GRM7: variants seen among roughly 807,000 people sequenced by gnomAD.
GRM7 encodes the protein glutamate metabotropic receptor 7.
GRM7 carries 35 observed loss-of-function variants against 84.5 expected under a neutral mutation model. That is an observed-to-expected ratio of 0.41 (90% CI 0.32 to 0.55). The LOEUF is 0.55. Among genes scored for constraint, GRM7 ranks in the 20% least tolerant of loss-of-function variants. The pLI, the probability that GRM7 is intolerant of heterozygous loss-of-function variation, is 0.19. For synonymous variants in GRM7, 487 were observed against 455.1 expected (o/e 1.07, Z -0.89); for missense variants, 1,003 against 1,194.6 (o/e 0.84, Z 2.36).
intron 4 of GRM7, among the ~76,000 whole-genome samples, chr3:7,315,710 G>A (rs1056646870): frequency 6.6e-6 from 1 of 152,158 alleles, no homozygotes; most frequent in African/African-American, 2.4e-5. Context: ...TAAGAGGTGG[G>A]ACAAAGACAA....
chr3:7,645,819 A>G (rs540661671), intron 8 of GRM7, among the ~76,000 whole-genome samples: 38 of 152,222 alleles, frequency 2.5e-4, no homozygotes, highest in Admixed American at 1.8e-3. Context: ...ATCTTCCCCA[A>G]TCTGACCCCA....
chr3:7,133,211 CAGAG>C (rs1186452182), intron 1 of GRM7, among the ~76,000 whole-genome samples: 1 of 152,236 alleles, frequency 6.6e-6, no homozygotes, highest in East Asian at 1.9e-4. Context: ...ATGTGAAAAG[CAGAG>C]AGAGAATATG....
intron 1 of GRM7, among the ~76,000 whole-genome samples, chr3:7,033,618 A>C (rs545592711): frequency 6.6e-6 from 1 of 152,302 alleles, no homozygotes; most frequent in South Asian, 2.1e-4. Context: ...CTAAAGCTGC[A>C]AATGTCCTTT....
rs148513379 is a variant in GRM7, at chr3:7,556,333, C to T, written c.1516-22089C>T. Reference sequence around the variant, plus strand: ...GCATGTGAATTTTAGGGGATATAAACATTCAGACCATAGTAACCTCTATGT... The same window carrying T: ...GCATGTGAATTTTAGGGGATATAAATATTCAGACCATAGTAACCTCTATGT... On this transcript the variant is annotated intron_variant, in intron 7 of 9. Coordinates refer to ENST00000357716, the MANE Select transcript of GRM7 (RefSeq NM_000844.4). Among the ~76,000 whole-genome samples the T allele has an allele frequency of 6.5e-3, 992 of 152,176 alleles. 9 individuals are homozygous for T. Among genetic ancestry groups the T allele is most frequent in the African/African-American group, 0.022 (921 of 41,520 alleles).
At chr3:7,699,411 T>C (rs916571683) in intron 9 of GRM7, among the ~76,000 whole-genome samples, 12 of 152,210 alleles carry the variant, frequency 7.9e-5, no homozygotes, top group African/African-American at 2.4e-4. Flanking sequence ...CCAGGGGATA[T>C]GTATTTAGAG....
intron 2 of GRM7, among the ~76,000 whole-genome samples, chr3:7,169,530 G>A (rs1400352482): frequency 6.6e-6 from 1 of 152,152 alleles, no homozygotes; most frequent in African/African-American, 2.4e-5. Flanking sequence ...TTATATCATT[G>A]AATTAAATGT....
chr3:7,469,857 T>C (rs986653642), intron 7 of GRM7, among the ~76,000 whole-genome samples: 3 of 152,216 alleles, frequency 2.0e-5, no homozygotes, highest in Non-Finnish European at 4.4e-5. Context: ...TGCTTCCCAT[T>C]TGTCAGTTAA....
intron 4 of GRM7, among the ~76,000 whole-genome samples, chr3:7,352,870 G>A (rs2324148): frequency 0.14 from 21,215 of 151,950 alleles, 1,947 homozygotes; most frequent in African/African-American, 0.26. Context: ...ACATGTCCCT[G>A]TCCTAACTTA....
chr3:7,727,689 C>T (rs1702174711), intron 9 of GRM7, among the ~76,000 whole-genome samples: 1 of 152,176 alleles, frequency 6.6e-6, no homozygotes, highest in Non-Finnish European at 1.5e-5. Context: ...ACCACATAGG[C>T]TTCTGGTCTG....
At chr3:7,730,440 A>C (rs2106526375) in intron 9 of GRM7, among the ~76,000 whole-genome samples, 1 of 152,346 alleles carries the variant, frequency 6.6e-6, no homozygotes, top group Non-Finnish European at 1.5e-5. Flanking sequence ...TCTGACAAAT[A>C]GTAGGTGCTC....
At chr3:7,186,198 C>T (rs1695507382) in intron 2 of GRM7, among the ~76,000 whole-genome samples, 1 of 152,206 alleles carries the variant, frequency 6.6e-6, no homozygotes, top group South Asian at 2.1e-4. Flanking sequence ...AGAAGCAGTG[C>T]AATGAACTAA....
intron 9 of GRM7, among the ~76,000 whole-genome samples, chr3:7,704,644 T>G (rs1701328567): frequency 6.6e-6 from 1 of 152,212 alleles, no homozygotes; most frequent in African/African-American, 2.4e-5. Flanking sequence ...CTAGCCAGGA[T>G]GCTACCAAAA....
At chr3:7,010,936 C>G (rs980106086) in intron 1 of GRM7, among the ~76,000 whole-genome samples, 1 of 152,268 alleles carries the variant, frequency 6.6e-6, no homozygotes, top group East Asian at 1.9e-4. Flanking sequence ...GAAGCAGAGT[C>G]GGGGGAAGAG....
chr3:7,411,129 C>G (rs1171810325), intron 4 of GRM7, among the ~76,000 whole-genome samples: 1 of 152,144 alleles, frequency 6.6e-6, no homozygotes, highest in Admixed American at 6.6e-5. Flanking sequence ...TATAAGGACT[C>G]TTGTCATTGG....
chr3:7,698,508 G>C (rs1244327300), intron 9 of GRM7, among the ~76,000 whole-genome samples: 1 of 152,188 alleles, frequency 6.6e-6, no homozygotes, highest in African/African-American at 2.4e-5. Flanking sequence ...GATAAGCCCA[G>C]GCCATTTGGG....
intron 2 of GRM7, among the ~76,000 whole-genome samples, chr3:7,273,275 A>G (rs1277002301): frequency 1.3e-5 from 2 of 151,980 alleles, no homozygotes; most frequent in African/African-American, 2.4e-5. Flanking sequence ...TGGCCCAAAT[A>G]TGATCTATTT....
chr3:7,599,608 A>G (rs776268930), intron 8 of GRM7, among the ~76,000 whole-genome samples: 1 of 152,182 alleles, frequency 6.6e-6, no homozygotes, highest in Non-Finnish European at 1.5e-5. Context: ...TGTCCACTCT[A>G]TAGCTAGTAA....
intron 2 of GRM7, among the ~76,000 whole-genome samples, chr3:7,182,278 T>G (rs1695365380): frequency 6.6e-6 from 1 of 152,184 alleles, no homozygotes; most frequent in Non-Finnish European, 1.5e-5. Context: ...TGAGATAGCC[T>G]TAAGCATTTC....
intron 8 of GRM7, among the ~76,000 whole-genome samples, chr3:7,624,687 T>C (rs17047738): frequency 0.023 from 3,463 of 152,258 alleles, 137 homozygotes; most frequent in African/African-American, 0.077. Context: ...ATATGGGAAG[T>C]GCCTAAATCA....
Sources: allele counts gnomAD v4.1 joint callset (sites outside exome capture counted in the v4.1 genomes callset), GRCh38; gene constraint gnomAD v4.1.1; transcripts MANE v1.5; gene names NCBI Gene and HGNC (gene_info 2026-07-23, HGNC 2026-07-21).